Variants in SFXN1 observed in about 807,000 individuals in gnomAD.
SFXN1 encodes sideroflexin 1.
SFXN1 carries 32 observed loss-of-function variants against 39.5 expected under a neutral mutation model. The observed-to-expected ratio is 0.81, with a 90% CI of 0.61 to 1.09. The LOEUF is 1.09. Ranked by LOEUF, SFXN1 falls within the 50% of genes least tolerant of loss-of-function variation. The probability of loss-of-function intolerance (pLI) is 0.00; values close to 1 mark genes in which losing one functional copy is unlikely to be tolerated. For missense variants in SFXN1, 402 were observed against 407.1 expected (o/e 0.99, Z 0.11); for synonymous variants, 136 against 146.5 (o/e 0.93, Z 0.52).
rs1285916186 is a variant in SFXN1 at position 175,512,174 on chromosome 5, A to G, written c.574A>G (p.Asn192Asp). The change falls in exon 6 of 11, where the codon AAT (asparagine) becomes GAT (aspartate). Residue 192 changes from asparagine to aspartate, a missense_variant. Coordinates refer to ENST00000321442, the MANE Select transcript of SFXN1 (RefSeq NM_022754.7). The stretch of plus-strand genomic sequence containing the variant: ...TGCCGTAGCTGCTGCTAATTGCATT[A>G]ATATTCCATTAATGAGGCAAAGGTA... ...FAAVAAANCI[N>D]IPLMRQRELK... is the part of the protein sequence containing the mutation. The G allele has an allele frequency of 1.2e-6, 2 of 1,614,170 alleles. No homozygotes were observed. The highest frequency in any genetic ancestry group is 2.2e-5 in the South Asian group (2 of 91,082).
rs1201704038 is a variant in SFXN1, at chr5:175,513,506, C to A, written c.640C>A (p.Arg214Ser). 6.2e-7 allele frequency: 1 copy of A among 1,613,690 alleles called. No homozygotes were observed. Reference protein sequence around the residue: ...GIPVTDENGNRLGESANAAKQ... With the variant: ...GIPVTDENGNSLGESANAAKQ... ...TCCCGTCACGGATGAGAATGGGAAC[C>A]GCTTGGGGGAGTCGGCGAACGCTGC... Residue 214 changes from arginine to serine, a missense_variant, in exon 7 of 11, where the codon CGC (arginine) becomes AGC (serine). Transcript: ENST00000321442.
chr5:175,509,249 T>C, intron 3 of SFXN1, 47 bp downstream of exon 3: 1 of 1,517,670 alleles, frequency 6.6e-7, no homozygotes, highest in Non-Finnish European at 8.9e-7. Context: ...TTACAGAAGC[T>C]CAAAGTATAT....
intron 1 of SFXN1, among the ~76,000 whole-genome samples, chr5:175,489,671 C>T (rs1316368412): frequency 6.6e-6 from 1 of 152,186 alleles, no homozygotes; most frequent in Non-Finnish European, 1.5e-5. Context: ...TAGTGCAGAT[C>T]GATGGTTCTG....
intron 8 of SFXN1, among the ~76,000 whole-genome samples, chr5:175,517,887 G>A (rs1041300730): frequency 1.3e-5 from 2 of 152,106 alleles, no homozygotes; most frequent in Non-Finnish European, 2.9e-5. Flanking sequence ...CCCAGGGCCA[G>A]GTGTGCCTCC....
chr5:175,495,079 C>T (rs540582259), intron 2 of SFXN1, among the ~76,000 whole-genome samples: 16 of 152,300 alleles, frequency 1.1e-4, no homozygotes, highest in South Asian at 2.1e-4. Flanking sequence ...AATGTGCTCC[C>T]GCCATACAGT....
intron 5 of SFXN1, 159 bp downstream of exon 5, chr5:175,511,685 T>C (rs1399595750): frequency 1.5e-5 from 10 of 652,964 alleles, no homozygotes; most frequent in African/African-American, 1.3e-4. Context: ...TTCCAATAAG[T>C]TTGGGAAGAG....
rs1285133766 is a variant in SFXN1 at position 175,516,631 on chromosome 5, A to C, written c.742A>C (p.Met248Leu). The change falls in exon 8 of 11, where the codon ATG becomes CTG. Residue 248 changes from methionine (M) to leucine (L), a missense_variant. Transcript: ENST00000321442. ...APGMAIPPFI[M>L]NTLEKKAFLK... ...ATTTCCAGCCATCCCTCCATTCATTATGAACACTTTGGAAAAGAAAGCCTT... is the reference window on the plus strand; with the variant it reads ...ATTTCCAGCCATCCCTCCATTCATTCTGAACACTTTGGAAAAGAAAGCCTT... 1.2e-5 allele frequency: 20 copies of C among 1,613,128 alleles called. No individual in the cohort carries two copies. The highest frequency in any genetic ancestry group is 1.7e-5 in the Non-Finnish European group (20 of 1,179,724).
At chr5:175,513,155 G>T (rs902918846) in intron 6 of SFXN1, among the ~76,000 whole-genome samples, 3 of 151,834 alleles carry the variant, frequency 2.0e-5, no homozygotes, top group African/African-American at 4.8e-5. Flanking sequence ...ACAAAAATTG[G>T]CCGGCACACT....
chr5:175,486,510 C>G (rs901202720), intron 1 of SFXN1, among the ~76,000 whole-genome samples: 8 of 152,154 alleles, frequency 5.3e-5, no homozygotes, highest in Non-Finnish European at 1.2e-4. Flanking sequence ...CACCTGTAAT[C>G]CCAGCATTTT....
At chr5:175,491,820 A>G in intron 1 of SFXN1, 1 of 264,244 alleles carries the variant, frequency 3.8e-6, no homozygotes, top group Non-Finnish European at 7.1e-6. Context: ...TCTCCAGAGT[A>G]ATTCTAGGTA....
Position 175,524,153 on chromosome 5 carries a change from T to A in SFXN1, c.872+1731T>A, listed in dbSNP as rs866643293. The A allele has an allele frequency of 2.7e-3, 272 of 100,816 alleles. 11 individuals carry two copies. Among genetic ancestry groups the A allele is most frequent in the African/African-American group, 0.013 (260 of 19,678 alleles). 6.2% of individuals were successfully genotyped at this position (100,816 alleles called of 1,614,324 possible). A position where few individuals can be genotyped will look rare whatever the true frequency, so the allele number is the denominator to read the frequency against. On this transcript the variant is annotated intron_variant, in intron 10 of 10. Transcript: ENST00000321442. ...ATATATATATATATATATATATATA[T>A]ATATATATATATATATATCTCCAAT... is the stretch of plus-strand genomic sequence containing the variant.
intron 8 of SFXN1, among the ~76,000 whole-genome samples, chr5:175,520,052 T>C (rs775107611): frequency 1.6e-4 from 24 of 151,746 alleles, no homozygotes; most frequent in Non-Finnish European, 3.1e-4. Flanking sequence ...GTATTTTTAG[T>C]AGAGACGGGA....
At chr5:175,501,124 A>G (rs1408244927) in intron 2 of SFXN1, among the ~76,000 whole-genome samples, 1 of 137,382 alleles carries the variant, frequency 7.3e-6, no homozygotes, top group Non-Finnish European at 1.5e-5. Flanking sequence ...GCTGGAGTGC[A>G]GTGGCGCGAT....
chr5:175,503,395 C>G (rs140040898), intron 2 of SFXN1, among the ~76,000 whole-genome samples: 14 of 152,250 alleles, frequency 9.2e-5, no homozygotes, highest in African/African-American at 3.1e-4. Flanking sequence ...AAGTAAAACA[C>G]CAACACATAG....
chr5:175,509,220 A>G lies in SFXN1; in HGVS notation c.335+18A>G, dbSNP rs1266365164. ...TTTTACAGGTATGTTATGAATATGT[A>G]GCAACAGTGTGTTTACCATTACAGA... On this transcript the variant is annotated intron_variant, in intron 3 of 10. Coordinates refer to ENST00000321442, the MANE Select transcript of SFXN1 (RefSeq NM_022754.7). 10 of 1,594,534 alleles carry G rather than the reference A, an allele frequency of 6.3e-6. No homozygotes were observed. The highest frequency in any genetic ancestry group is 8.5e-6 in the Non-Finnish European group (10 of 1,171,098).
At chr5:175,508,341 T>G (rs995601898) in intron 2 of SFXN1, among the ~76,000 whole-genome samples, 9 of 146,468 alleles carry the variant, frequency 6.1e-5, no homozygotes, top group African/African-American at 2.0e-4. Flanking sequence ...TCCTCTTGCC[T>G]CAGCCTCCCA....
At chr5:175,493,755 G>C (rs1759750605) in intron 2 of SFXN1, among the ~76,000 whole-genome samples, 1 of 152,200 alleles carries the variant, frequency 6.6e-6, no homozygotes, top group South Asian at 2.1e-4. Context: ...GTAAGAAAAA[G>C]TACAATTACC....
At chr5:175,497,699 C>T (rs955840510) in intron 2 of SFXN1, among the ~76,000 whole-genome samples, 4 of 152,014 alleles carry the variant, frequency 2.6e-5, no homozygotes, top group East Asian at 1.9e-4. Context: ...GAGGCCGAGA[C>T]GGGTAGATCA....
chr5:175,502,548 A>G (rs908253286), intron 2 of SFXN1, among the ~76,000 whole-genome samples: 3 of 152,228 alleles, frequency 2.0e-5, no homozygotes, highest in African/African-American at 4.8e-5. Flanking sequence ...GAATTGATAA[A>G]TAACGTACTG....
Sources: allele counts gnomAD v4.1 joint callset (sites outside exome capture counted in the v4.1 genomes callset), GRCh38; gene constraint gnomAD v4.1.1; transcripts MANE v1.5; gene names NCBI Gene and HGNC (gene_info 2026-07-23, HGNC 2026-07-21).